Variants in ZBTB20 observed in about 807,000 individuals in gnomAD.
The protein encoded by ZBTB20 is zinc finger and BTB domain-containing protein 20.
In ZBTB20, 9 loss-of-function variants were observed where a neutral mutation model predicts 56.9. The observed-to-expected ratio is 0.16, with a 90% confidence interval of 0.10 to 0.28. The LOEUF is 0.28. ZBTB20 is among the 10% of genes least tolerant of loss of function. The pLI is 1.00. For synonymous variants in ZBTB20, 417 were observed against 420.7 expected (o/e 0.99, Z 0.11); for missense variants, 655 against 1,003.0 (o/e 0.65, Z 4.69).
intron 4 of ZBTB20, among the ~76,000 whole-genome samples, chr3:114,893,609 A>C (rs2076900462): frequency 6.6e-6 from 1 of 152,144 alleles, no homozygotes; most frequent in South Asian, 2.1e-4. Flanking sequence ...TGTAAGCAGA[A>C]ATGTTCCCAA....
chr3:114,650,256 A>T (rs866006466), intron 6 of ZBTB20, among the ~76,000 whole-genome samples: 15 of 152,024 alleles, frequency 9.9e-5, no homozygotes, highest in South Asian at 6.2e-4. Context: ...GCATAATATC[A>T]TCTATTTCTG....
At chr3:114,995,535 C>G (rs1048590838) in intron 2 of ZBTB20, among the ~76,000 whole-genome samples, 1 of 151,718 alleles carries the variant, frequency 6.6e-6, no homozygotes, top group Non-Finnish European at 1.5e-5. Flanking sequence ...TATAAAGACC[C>G]CTATTTCATA....
intron 2 of ZBTB20, among the ~76,000 whole-genome samples, chr3:115,036,995 A>G (rs901380528): frequency 6.6e-6 from 1 of 152,194 alleles, no homozygotes; most frequent in African/African-American, 2.4e-5. Flanking sequence ...TACATTCAGG[A>G]CAGTCTTTAA....
At chr3:114,982,694 G>C (rs1456547425) in intron 2 of ZBTB20, among the ~76,000 whole-genome samples, 2 of 152,002 alleles carry the variant, frequency 1.3e-5, no homozygotes, top group Non-Finnish European at 2.9e-5. Flanking sequence ...AGTCCTGTGG[G>C]TACATGTGCA....
chr3:115,008,015 C>G (rs141970560), intron 2 of ZBTB20, among the ~76,000 whole-genome samples: 111 of 151,946 alleles, frequency 7.3e-4, no homozygotes, highest in Non-Finnish European at 6.6e-4. Flanking sequence ...TTCCAACAGT[C>G]TCTTGCTCTC....
chr3:114,474,187 C>G (rs1001678409), intron 7 of ZBTB20, among the ~76,000 whole-genome samples: 1 of 152,180 alleles, frequency 6.6e-6, no homozygotes, highest in African/African-American at 2.4e-5. Flanking sequence ...GTGGGAGATA[C>G]AATTCAAGAG....
Position 114,553,946 on chromosome 3 carries a change from C to CT in ZBTB20, c.-294-53556dup, listed in dbSNP as rs377615475. 3.8e-3 allele frequency among the ~76,000 whole-genome samples: 576 copies of CT among 152,262 alleles called. 6 individuals are homozygous for CT. The highest frequency in any genetic ancestry group is 0.013 in the African/African-American group (525 of 41,548). ...CTACATAAAGGTTTGCATCTTTCCC[C>CT]TTAAAAATGTACAGATGAGCTTGTG... On this transcript the variant is annotated intron_variant, in intron 6 of 11. Transcript: ENST00000675478.
chr3:114,915,594 T>C (rs752999830), intron 3 of ZBTB20, among the ~76,000 whole-genome samples: 26 of 152,004 alleles, frequency 1.7e-4, no homozygotes, highest in Non-Finnish European at 3.1e-4. Context: ...ATTTCTGCAC[T>C]GATCTTTATT....
At chr3:114,527,733 G>C (rs1241385257) in intron 6 of ZBTB20, among the ~76,000 whole-genome samples, 1 of 152,138 alleles carries the variant, frequency 6.6e-6, no homozygotes, top group Non-Finnish European at 1.5e-5. Flanking sequence ...ACTGGAGGCT[G>C]ACCATATATT....
At chr3:114,694,395 G>A (rs990603947) in intron 5 of ZBTB20, among the ~76,000 whole-genome samples, 1 of 151,970 alleles carries the variant, frequency 6.6e-6, no homozygotes, top group African/African-American at 2.4e-5. Context: ...AGCTACAGGT[G>A]GTTTTCCCAA....
At chr3:114,452,958 AGAG>A (rs34921577) in intron 7 of ZBTB20, among the ~76,000 whole-genome samples, 100,452 of 151,810 alleles carry the variant, frequency 0.66, 36,658 homozygotes, top group Non-Finnish European at 0.83. Flanking sequence ...AAATGCATTA[AGAG>A]GAGAACTTTA....
Position 114,925,945 on chromosome 3 carries a change from G to A in ZBTB20, c.-455-25603C>T, listed in dbSNP as rs534715384. Among the ~76,000 whole-genome samples the A allele has an allele frequency of 7.2e-5, 11 of 152,242 alleles. No individual in the cohort carries two copies. The South Asian group carries it at 2.1e-3, about 29-fold the overall frequency. On this transcript the variant is annotated intron_variant, in intron 3 of 11. Transcript: ENST00000675478. ...GAGTGCTAATATCTTTGTTCTCATGGGACATTAATTTGGCTAATCTCATAT... is the reference window on the plus strand; with the variant it reads ...GAGTGCTAATATCTTTGTTCTCATGAGACATTAATTTGGCTAATCTCATAT...
intron 2 of ZBTB20, among the ~76,000 whole-genome samples, chr3:114,986,984 T>C (rs1288682575): frequency 6.6e-6 from 1 of 152,136 alleles, no homozygotes; most frequent in Non-Finnish European, 1.5e-5. Context: ...CTGCTTTATC[T>C]ATTCTAGCTA....
At chr3:114,870,096 C>G (rs906621929) in intron 4 of ZBTB20, among the ~76,000 whole-genome samples, 4 of 152,096 alleles carry the variant, frequency 2.6e-5, no homozygotes, top group South Asian at 4.1e-4. Flanking sequence ...GATGCCAAAG[C>G]TATCCTACCT....
chr3:114,576,993 A>G (rs1301356255), intron 6 of ZBTB20, among the ~76,000 whole-genome samples: 1 of 152,214 alleles, frequency 6.6e-6, no homozygotes, highest in Non-Finnish European at 1.5e-5. Context: ...ATAGCAGTTT[A>G]AGGACACTAG....
chr3:115,064,437 A>G (rs2082128664), intron 2 of ZBTB20, among the ~76,000 whole-genome samples: 1 of 145,502 alleles, frequency 6.9e-6, no homozygotes, highest in South Asian at 2.2e-4. Flanking sequence ...ATTTTCTCTC[A>G]TAATTCTTTT....
intron 5 of ZBTB20, among the ~76,000 whole-genome samples, chr3:114,695,331 A>G (rs531844724): frequency 6.6e-6 from 1 of 151,910 alleles, no homozygotes; most frequent in Non-Finnish European, 1.5e-5. Context: ...ATAAAAAAAA[A>G]CAGAAAAATG....
intron 6 of ZBTB20, among the ~76,000 whole-genome samples, chr3:114,535,508 C>T (rs1471616318): frequency 6.6e-6 from 1 of 151,962 alleles, no homozygotes; most frequent in Admixed American, 6.5e-5. Flanking sequence ...AATAGCCTAC[C>T]AACCAAAAAA....
At chr3:114,992,559 T>G (rs541953542) in intron 2 of ZBTB20, among the ~76,000 whole-genome samples, 2 of 152,024 alleles carry the variant, frequency 1.3e-5, no homozygotes, top group South Asian at 4.1e-4. Flanking sequence ...GGGGCTGAAC[T>G]CTTGGTGTCC....
Sources: gnomAD v4.1 joint callset for allele counts (sites outside exome capture counted in the v4.1 genomes callset) on GRCh38, gnomAD v4.1.1 for gene constraint, MANE v1.5 for transcripts, NCBI Gene and HGNC (gene_info 2026-07-23, HGNC 2026-07-21) for gene names.